The following NXPE4 variants were observed in gnomAD, a reference collection of about 807,000 sequenced individuals.
NXPE4 encodes neurexophilin and PC-esterase domain family member 4.
NXPE4 carries 42 observed loss-of-function variants against 33.3 expected under a neutral mutation model. The ratio of observed to expected loss-of-function variants is 1.26; its 90% confidence interval spans 0.98 to 1.63. The LOEUF is 1.63. NXPE4 is among the 40% of genes most tolerant of loss of function. The pLI, the probability that NXPE4 is intolerant of heterozygous loss-of-function variation, is 0.00. For synonymous variants in NXPE4, 253 were observed against 234.9 expected (o/e 1.08, Z -0.71); for missense variants, 709 against 647.6 (o/e 1.09, Z -1.03).
chr11:114,600,378 C>T (rs1342715914), upstream of NXPE4, among the ~76,000 whole-genome samples: 1 of 152,024 alleles, frequency 6.6e-6, no homozygotes, highest in South Asian at 2.1e-4. Flanking sequence ...CATGAAATGA[C>T]CCATTTTCCT....
chr11:114,619,376 A>T, the NXPE4 span, among the ~76,000 whole-genome samples: 2 of 128,016 alleles, frequency 1.6e-5, no homozygotes, highest in Non-Finnish European at 3.4e-5. Context: ...AAGTGTTGCC[A>T]CCTGGGTAAC....
At chr11:114,659,123 C>A in the NXPE4 span, among the ~76,000 whole-genome samples, 2 of 152,192 alleles carry the variant, frequency 1.3e-5, no homozygotes, top group Non-Finnish European at 2.9e-5. Flanking sequence ...CTCCTCCCTA[C>A]CTCATGGCTC....
At chr11:114,620,004 G>A in the NXPE4 span, among the ~76,000 whole-genome samples, 23 of 150,968 alleles carry the variant, frequency 1.5e-4, no homozygotes, top group South Asian at 8.4e-4. Flanking sequence ...GTATTGCCTC[G>A]TGGGTAACCA....
At chr11:114,584,375 CCCATCCACCTGCAGTCCAAATGCAGGT>C (rs1459970534) in intron 2 of NXPE4, 1 of 362,912 alleles carries the variant, frequency 2.8e-6, no homozygotes, top group Non-Finnish European at 5.5e-6. Context: ...GTAATGCAGG[CCCATCCACCTGCAGTCCAAATGCAGGT>C]GATTCTGAGG....
intron 5 of NXPE4, among the ~76,000 whole-genome samples, chr11:114,571,879 C>T (rs1303899739): frequency 2.6e-5 from 4 of 152,336 alleles, no homozygotes; most frequent in East Asian, 1.9e-4. Context: ...AAGTTTCCAT[C>T]CTGCCTGTAG....
the NXPE4 span, among the ~76,000 whole-genome samples, chr11:114,626,658 C>T: frequency 1.3e-5 from 2 of 152,218 alleles, no homozygotes; most frequent in Non-Finnish European, 2.9e-5. Context: ...AGCAACAGAA[C>T]AAAGCTGGAC....
the NXPE4 span, among the ~76,000 whole-genome samples, chr11:114,639,028 G>A: frequency 6.6e-6 from 1 of 152,166 alleles, no homozygotes; most frequent in Non-Finnish European, 1.5e-5. Flanking sequence ...GTTTGCAGAG[G>A]TTACTGCTGT....
At chr11:114,664,268 T>C in the NXPE4 span, among the ~76,000 whole-genome samples, 2 of 152,130 alleles carry the variant, frequency 1.3e-5, no homozygotes, top group Admixed American at 6.6e-5. Flanking sequence ...AAAAGGCTTA[T>C]ATAACATTCT....
At chr11:114,588,658 AAAAGG>A (rs1949366312) in intron 2 of NXPE4, among the ~76,000 whole-genome samples, 1 of 152,198 alleles carries the variant, frequency 6.6e-6, no homozygotes. Flanking sequence ...AGATGAATAG[AAAAGG>A]AAACACTTTT....
chr11:114,577,004 TA>T (rs1300871953), intron 5 of NXPE4, among the ~76,000 whole-genome samples: 8 of 30,800 alleles, frequency 2.6e-4, no homozygotes, highest in Non-Finnish European at 4.1e-4. Context: ...TATATATATA[TA>T]AAGTTATATA....
At chr11:114,667,413 C>A in the NXPE4 span, among the ~76,000 whole-genome samples, 1 of 152,002 alleles carries the variant, frequency 6.6e-6, no homozygotes, top group Non-Finnish European at 1.5e-5. Flanking sequence ...TAGAGATTAT[C>A]CATTAATTAA....
chr11:114,620,693 T>G, the NXPE4 span, among the ~76,000 whole-genome samples: 4 of 128,626 alleles, frequency 3.1e-5, no homozygotes, highest in Non-Finnish European at 7.5e-5. Flanking sequence ...TAACCACTGT[T>G]ACCTGGTGGA....
the NXPE4 span, among the ~76,000 whole-genome samples, chr11:114,626,108 C>T: frequency 2.6e-5 from 4 of 152,170 alleles, no homozygotes; most frequent in East Asian, 3.8e-4. Flanking sequence ...GAGGGGCGCC[C>T]GCCATTGCCC....
chr11:114,601,620 T>TTA, the NXPE4 span, among the ~76,000 whole-genome samples: 4 of 1,356 alleles, frequency 2.9e-3, no homozygotes, highest in African/African-American at 6.8e-3. Flanking sequence ...TAATTATATA[T>TTA]TATATATTAT....
intron 2 of NXPE4, among the ~76,000 whole-genome samples, chr11:114,589,153 G>A (rs559897340): frequency 3.3e-5 from 5 of 152,216 alleles, no homozygotes; most frequent in East Asian, 1.9e-4. Flanking sequence ...AAGCCACCTC[G>A]ACCCTCTCTA....
At chr11:114,602,082 T>A in the NXPE4 span, among the ~76,000 whole-genome samples, 2 of 94,726 alleles carry the variant, frequency 2.1e-5, no homozygotes, top group South Asian at 3.5e-4. Context: ...ATTCTATATT[T>A]TATTATATAT....
At chr11:114,633,838 C>T in the NXPE4 span, among the ~76,000 whole-genome samples, 3 of 151,936 alleles carry the variant, frequency 2.0e-5, no homozygotes, top group Admixed American at 6.6e-5. Context: ...TGTATATGTG[C>T]CACATTATCT....
At position 114,582,321 on chromosome 11, in the gene NXPE4, TAAG is replaced by T; in HGVS notation, c.794_796del (p.Ser265del). 6.3e-7 allele frequency: 1 copy of T among 1,594,216 alleles called. No individual in the cohort carries two copies. The highest frequency in any genetic ancestry group is 8.5e-7 in the Non-Finnish European group (1 of 1,170,354). On this transcript the variant is annotated inframe_deletion, in exon 3 of 6. Transcript: ENST00000375478. ...GAGGCTCTTTTCTTGTTTGCTAAGA[TAAG>T]AAACTTTCTTGTTCTTAGAATACAT...
chr11:114,586,949 C>T (rs1254955012), intron 2 of NXPE4, among the ~76,000 whole-genome samples: 1 of 152,080 alleles, frequency 6.6e-6, no homozygotes, highest in Non-Finnish European at 1.5e-5. Flanking sequence ...CACAGAGGTC[C>T]TCCTTCCCTC....
Sources: gnomAD v4.1 joint callset for allele counts (sites outside exome capture counted in the v4.1 genomes callset) on GRCh38, gnomAD v4.1.1 for gene constraint, MANE v1.5 for transcripts, NCBI Gene and HGNC (gene_info 2026-07-23, HGNC 2026-07-21) for gene names.